Variants in LY96 observed in about 807,000 individuals in gnomAD.
The protein encoded by LY96 is lymphocyte antigen 96, also known as myeloid differentiation protein-2.
LY96 carries 18 observed loss-of-function variants against 18.9 expected under a neutral mutation model. The observed-to-expected ratio is 0.95, with a 90% CI of 0.66 to 1.41. The LOEUF is 1.41. Among genes scored for constraint, LY96 ranks in the 40% most tolerant of loss-of-function variants. The pLI is 0.00. For missense variants in LY96, 175 were observed against 182.4 expected (o/e 0.96, Z 0.23); for synonymous variants, 66 against 62.6 (o/e 1.06, Z -0.26).
chr8:74,088,083 AAGAATAGAAT>A, the LY96 span, among the ~76,000 whole-genome samples: 11,321 of 120,296 alleles, frequency 0.094, 515 homozygotes, highest in East Asian at 0.21. Context: ...TCACTGAGAG[AAGAATAGAAT>A]AGAATAGAAT....
chr8:74,089,961 G>T, the LY96 span, among the ~76,000 whole-genome samples: 1 of 152,102 alleles, frequency 6.6e-6, no homozygotes, highest in African/African-American at 2.4e-5. Context: ...TGGTGTGGAA[G>T]ATTGGGGCCT....
the LY96 span, among the ~76,000 whole-genome samples, chr8:74,088,689 G>T: frequency 6.6e-6 from 1 of 152,114 alleles, no homozygotes; most frequent in South Asian, 2.1e-4. Flanking sequence ...GGGTTCAAGC[G>T]ATTCTTGTGC....
intron 1 of LY96, among the ~76,000 whole-genome samples, chr8:73,999,946 G>T (rs959191140): frequency 6.6e-6 from 1 of 151,700 alleles, no homozygotes; most frequent in Non-Finnish European, 1.5e-5. Flanking sequence ...AATTGCTTTG[G>T]CTAGGACTTC....
the LY96 span, among the ~76,000 whole-genome samples, chr8:74,064,153 A>G: frequency 6.6e-6 from 1 of 152,200 alleles, no homozygotes; most frequent in African/African-American, 2.4e-5. Context: ...TAAAACAAAA[A>G]CCAAAACAAG....
At chr8:74,041,550 A>G in the LY96 span, among the ~76,000 whole-genome samples, 2 of 152,306 alleles carry the variant, frequency 1.3e-5, no homozygotes, top group Middle Eastern at 3.4e-3. Flanking sequence ...TTTCCTAGCA[A>G]GGAATATTAA....
the LY96 span, among the ~76,000 whole-genome samples, chr8:74,081,142 C>CTTCCTTTCTTCTTTCTTTCT: frequency 2.4e-5 from 3 of 123,740 alleles, no homozygotes; most frequent in African/African-American, 9.5e-5. Context: ...TCCTTCCTTC[C>CTTCCTTTCTTCTTTCTTTCT]TTCTTTCTTT....
intron 1 of LY96, among the ~76,000 whole-genome samples, chr8:73,993,848 G>T (rs1816064350): frequency 6.6e-6 from 1 of 152,136 alleles, no homozygotes; most frequent in Non-Finnish European, 1.5e-5. Context: ...CAAAGTGCTG[G>T]GATTACAGAT....
chr8:74,014,846 C>CACAT (rs3220789), intron 3 of LY96, among the ~76,000 whole-genome samples: 1 of 150,400 alleles, frequency 6.6e-6, no homozygotes, highest in Admixed American at 6.6e-5. Flanking sequence ...CACACACACA[C>CACAT]ATATATCTGT....
chr8:74,010,261 T>G, intron 3 of LY96, 132 bp downstream of exon 3: 1 of 784,604 alleles, frequency 1.3e-6, no homozygotes, highest in Non-Finnish European at 2.1e-6. Flanking sequence ...AGTTTTTACT[T>G]TAGCAGCTTA....
At chr8:74,086,820 G>A in the LY96 span, among the ~76,000 whole-genome samples, 2 of 152,218 alleles carry the variant, frequency 1.3e-5, no homozygotes, top group Admixed American at 1.3e-4. Flanking sequence ...TTCCCCATGT[G>A]AGAACACAGC....
At chr8:74,019,531 A>C (rs1816715675) in intron 3 of LY96, among the ~76,000 whole-genome samples, 1 of 152,204 alleles carries the variant, frequency 6.6e-6, no homozygotes. Flanking sequence ...AACTATTCCA[A>C]TCAATAGAAA....
chr8:74,094,426 T>C, the LY96 span, among the ~76,000 whole-genome samples: 1 of 152,236 alleles, frequency 6.6e-6, no homozygotes, highest in Non-Finnish European at 1.5e-5. Flanking sequence ...CTTTAACAAA[T>C]TGATGATATT....
the LY96 span, among the ~76,000 whole-genome samples, chr8:74,035,917 A>G: frequency 6.6e-6 from 1 of 152,206 alleles, no homozygotes; most frequent in African/African-American, 2.4e-5. Flanking sequence ...TCTTACATGT[A>G]TTGATAGATG....
intron 3 of LY96, among the ~76,000 whole-genome samples, chr8:74,020,076 A>C (rs548342839): frequency 6.6e-6 from 1 of 152,238 alleles, no homozygotes; most frequent in Admixed American, 6.5e-5. Context: ...CCAGGACAAT[A>C]AGGCAAGGGA....
At chr8:74,046,151 C>T in the LY96 span, among the ~76,000 whole-genome samples, 1 of 151,726 alleles carries the variant, frequency 6.6e-6, no homozygotes, top group African/African-American at 2.4e-5. Flanking sequence ...TGGTGGCGTG[C>T]ACCTGTAGTC....
the LY96 span, among the ~76,000 whole-genome samples, chr8:74,054,735 C>T: frequency 6.8e-6 from 1 of 147,782 alleles, no homozygotes; most frequent in African/African-American, 2.5e-5. Flanking sequence ...GTGATCATGG[C>T]TCACCACAGC....
At chr8:74,081,002 CTTTCTT>C in the LY96 span, among the ~76,000 whole-genome samples, 1 of 122,210 alleles carries the variant, frequency 8.2e-6, no homozygotes. Flanking sequence ...TTCTTTCTTT[CTTTCTT>C]TCTTTCTTTC....
intron 1 of LY96, among the ~76,000 whole-genome samples, chr8:73,992,363 G>A (rs946056589): frequency 6.6e-6 from 1 of 152,152 alleles, no homozygotes; most frequent in Non-Finnish European, 1.5e-5. Flanking sequence ...GAGGTTTAAA[G>A]TGGTGCTTCC....
the LY96 span, among the ~76,000 whole-genome samples, chr8:74,037,212 G>T: frequency 1.1e-3 from 161 of 152,226 alleles, 2 homozygotes; most frequent in African/African-American, 3.7e-3. Context: ...CAAATTCCTT[G>T]GTTGTCTCAC....
Sources: gnomAD v4.1 joint callset for allele counts (sites outside exome capture counted in the v4.1 genomes callset) on GRCh38, gnomAD v4.1.1 for gene constraint, MANE v1.5 for transcripts, NCBI Gene and HGNC (gene_info 2026-07-23, HGNC 2026-07-21) for gene names.